ALDOB: variants seen among roughly 807,000 people sequenced by gnomAD.
The protein encoded by ALDOB is aldolase, fructose-bisphosphate B.
Under a neutral mutation model 41.0 loss-of-function variants are expected in ALDOB, and 39 were observed. The observed-to-expected ratio is 0.95, with a 90% CI of 0.74 to 1.24. The LOEUF (loss-of-function observed/expected upper bound fraction) is 1.24, where lower values mean the gene tolerates loss of function less well. Among genes scored for constraint, ALDOB ranks in the 50% most tolerant of loss-of-function variants. The pLI, the probability that ALDOB is intolerant of heterozygous loss-of-function variation, is 0.00. For missense variants in ALDOB, 530 were observed against 457.3 expected, an observed-to-expected ratio of 1.16 and a Z score of -1.45; for synonymous variants, 175 against 168.8, an observed-to-expected ratio of 1.04 and a Z score of -0.28.
intron 1 of ALDOB, among the ~76,000 whole-genome samples, chr9:101,431,761 C>T (rs1831223284): frequency 6.6e-6 from 1 of 152,258 alleles, no homozygotes; most frequent in Non-Finnish European, 1.5e-5. Context: ...GTGCTTTTTG[C>T]ATAGGTTGGG....
At chr9:101,424,514 G>A (rs1383617227) in intron 8 of ALDOB, among the ~76,000 whole-genome samples, 4 of 152,110 alleles carry the variant, frequency 2.6e-5, no homozygotes, top group Admixed American at 2.6e-4. Flanking sequence ...TATAATCGCT[G>A]CTTTTCTTGG....
chr9:101,426,427 C>T (rs904382973), intron 6 of ALDOB, 128 bp downstream of exon 6: 3 of 710,514 alleles, frequency 4.2e-6, no homozygotes, highest in South Asian at 3.1e-5. Flanking sequence ...GAGCACCTCC[C>T]TACCTTCTCT....
chr9:101,428,611 G>T, intron 3 of ALDOB, 88 bp from the exon 4 acceptor site: 2 of 1,150,416 alleles, frequency 1.7e-6, no homozygotes, highest in Non-Finnish European at 2.6e-6. Context: ...ATCTTTTACA[G>T]ATCAAGGAGT....
chr9:101,428,420 A>G (rs752152724), intron 4 of ALDOB, 49 bp downstream of exon 4: 23 of 1,555,788 alleles, frequency 1.5e-5, no homozygotes, highest in Non-Finnish European at 3.5e-6. Flanking sequence ...ACTTGCCTTC[A>G]TTTCTAGCTT....
chr9:101,423,801 C>A (rs1015213578), intron 8 of ALDOB, among the ~76,000 whole-genome samples: 2 of 152,154 alleles, frequency 1.3e-5, no homozygotes, highest in African/African-American at 4.8e-5. Context: ...TTTAAACATG[C>A]CAAGCTCTCT....
rs1386846765 is a variant in ALDOB at position 101,427,550 on chromosome 9, A to T, written c.472T>A (p.Cys158Ser). The T allele has an allele frequency of 5.6e-6, 9 of 1,614,174 alleles. No homozygotes were observed. The highest frequency in any genetic ancestry group is 7.6e-6 in the Non-Finnish European group (9 of 1,180,026). ...TCCTGGATAGCGAGGCTGGATGGAC[A>T]CTGGTCGGCAATCCTCAGCACAGCA... is the stretch of plus-strand genomic sequence containing the variant. ...WRAVLRIADQ[C>S]PSSLAIQENA... The change falls in exon 5 of 9, where the codon TGT becomes AGT. Residue 158 changes from cysteine to serine, a missense_variant. Cys to Ser is a moderately radical substitution (Grantham distance 112, BLOSUM62 -1). Transcript: ENST00000647789.
Position 101,424,941 on chromosome 9 carries a change from A to G in ALDOB, c.901T>C (p.Ser301Pro). 1 of 1,614,182 alleles carries G rather than the reference A, an allele frequency of 6.2e-7. No homozygotes were observed. The highest frequency in any genetic ancestry group is 8.5e-7 in the Non-Finnish European group (1 of 1,180,012). Residue 301 changes from serine (S) to proline (P), a missense_variant, in exon 8 of 9, where the codon TCT (serine) becomes CCT (proline). Ser to Pro is a moderately conservative substitution (Grantham distance 74). Coordinates refer to ENST00000647789, the MANE Select transcript of ALDOB (RefSeq NM_000035.4). ...CTGGCCTGCAGGGCCCGTCCATAAG[A>G]GAAACTTAGTTTCCAGGGCTTTGGT... ...PLPKPWKLSF[S>P]YGRALQASAL...
At chr9:101,435,083 T>C (rs1434742123) in intron 1 of ALDOB, among the ~76,000 whole-genome samples, 2 of 152,186 alleles carry the variant, frequency 1.3e-5, no homozygotes, top group African/African-American at 4.8e-5. Flanking sequence ...CAGCAGGAAA[T>C]GTTCTAGAAA....
intron 8 of ALDOB, among the ~76,000 whole-genome samples, chr9:101,424,012 A>G (rs1224927950): frequency 2.6e-5 from 4 of 152,116 alleles, no homozygotes; most frequent in Non-Finnish European, 5.9e-5. Flanking sequence ...TTTCCTCTTT[A>G]TTGAAACTGT....
In ALDOB at chr9:101,421,393, T is replaced by G. The variant is rs1588168755; in HGVS notation, c.*416A>C. On this transcript the variant is annotated 3_prime_UTR_variant, in exon 9 of 9. Coordinates refer to ENST00000647789, the MANE Select transcript of ALDOB (RefSeq NM_000035.4). ...ATAGCAGCTGAAGGTTTATAGAATA[T>G]TTATTTCTTTTTTGGTTGCAGCTAT... 1 of 302,556 alleles carries G rather than the reference T, an allele frequency of 3.3e-6. No homozygotes were observed. Among genetic ancestry groups the G allele is most frequent in the Non-Finnish European group, 6.5e-6 (1 of 154,248 alleles). 18.7% of individuals were successfully genotyped at this position (302,556 alleles called of 1,614,324 possible).
In ALDOB at chr9:101,430,699, A is replaced by G; in HGVS notation, c.112+77T>C. 5 of 1,098,518 alleles carry G rather than the reference A, an allele frequency of 4.6e-6. No homozygotes were observed. In the South Asian group the frequency reaches 5.2e-5, roughly 11 times the overall value. 68.0% of individuals were successfully genotyped at this position (1,098,518 alleles called of 1,614,324 possible). A position where few individuals can be genotyped will look rare whatever the true frequency, so the allele number is the denominator to read the frequency against. On this transcript the variant is annotated intron_variant, in intron 2 of 8. Transcript: ENST00000647789. ...ATAAACCTTTACTTCCATAAAGAATATGATTATCAAGTTGTTTTTGCTAAG... is the reference window on the plus strand; with the variant it reads ...ATAAACCTTTACTTCCATAAAGAATGTGATTATCAAGTTGTTTTTGCTAAG...
Position 101,425,005 on chromosome 9 carries a change from A to G in ALDOB, c.837T>C (p.Asp279=). ...CFLSGGMSEE[D]ATLNLNAINL... Reference sequence around the variant, plus strand: ...TGATAGCATTGAGGTTGAGAGTGGCATCCTCTTCACTCATGCCACCAGACA... The same window carrying G: ...TGATAGCATTGAGGTTGAGAGTGGCGTCCTCTTCACTCATGCCACCAGACA... Residue 279 remains aspartate (D), a synonymous_variant, in exon 8 of 9, where the codon GAT becomes GAC. Transcript: ENST00000647789. The G allele has an allele frequency of 6.2e-7, 1 of 1,614,204 alleles. No homozygotes were observed. The highest frequency in any genetic ancestry group is 1.1e-5 in the South Asian group (1 of 91,082).
At chr9:101,426,091 G>C (rs146373952) in intron 6 of ALDOB, among the ~76,000 whole-genome samples, 173 of 152,230 alleles carry the variant, frequency 1.1e-3, no homozygotes, top group African/African-American at 3.9e-3. Context: ...TTTCCAAGTA[G>C]AGAAACTAAG....
Position 101,421,647 on chromosome 9 carries a change from A to G in ALDOB, c.*162T>C, listed in dbSNP as rs1831048050. 1.4e-6 allele frequency: 1 copy of G among 719,234 alleles called. No homozygotes were observed. 44.6% of individuals were successfully genotyped at this position (719,234 alleles called of 1,614,324 possible). On this transcript the variant is annotated 3_prime_UTR_variant, in exon 9 of 9. Transcript: ENST00000647789. ...CCTTGGTATTCATTTTTATGTTTCA[A>G]TAACTGATTTATTTTTTCCCCCTTG... is the stretch of plus-strand genomic sequence containing the variant.
At chr9:101,435,303 TG>T (rs1211334620) in intron 1 of ALDOB, among the ~76,000 whole-genome samples, 1 of 152,162 alleles carries the variant, frequency 6.6e-6, no homozygotes, top group African/African-American at 2.4e-5. Flanking sequence ...GCAGTAGATA[TG>T]TAAATAAATC....
At chr9:101,425,693 C>T (rs977026708) in intron 6 of ALDOB, 66 bp from the exon 7 acceptor site, 148 of 1,528,552 alleles carry the variant, frequency 9.7e-5, no homozygotes, top group Non-Finnish European at 1.3e-4. Context: ...GACCTTGGCA[C>T]ATTTACACTG....
In ALDOB at chr9:101,426,588, A is replaced by T. The variant is rs1242518351; in HGVS notation, c.591T>A (p.His197Gln). ...VEPEVIPDGD[H>Q]DLEHCQYVTE... is the part of the protein sequence containing the mutation. ...TAACATACTGGCAGTGTTCCAGGTC[A>T]TGGTCTCCATCAGGAATTACCTCTG... is the stretch of plus-strand genomic sequence containing the variant. The change falls in exon 6 of 9, where the codon CAT becomes CAA. Residue 197 changes from histidine to glutamine, a missense_variant. By Grantham distance (24) the His-to-Gln change is conservative (BLOSUM62 0). Transcript: ENST00000647789. The T allele has an allele frequency of 6.2e-7, 1 of 1,613,148 alleles. No individual in the cohort carries two copies. Among genetic ancestry groups the T allele is most frequent in the East Asian group, 2.2e-5 (1 of 44,872 alleles).
At position 101,425,174 on chromosome 9, in the gene ALDOB, AG is replaced by A. The variant is rs1300845800; in HGVS notation, c.800-133del. 3 of 1,114,912 alleles carry A rather than the reference AG, an allele frequency of 2.7e-6. No homozygotes were observed. In the Admixed American group the frequency reaches 6.0e-5, roughly 22 times the overall value. The allele number at this position is 1,114,912 out of a possible 1,614,324, so 69.1% of individuals were successfully genotyped here. Reference sequence around the variant, plus strand: ...GCTTAATTTGCCTTAAAGCAAACTGAGAAATCAGTTTGCTTTTGCTGAAGCT... The same window carrying A: ...GCTTAATTTGCCTTAAAGCAAACTGAAAATCAGTTTGCTTTTGCTGAAGCT... On this transcript the variant is annotated intron_variant, in intron 7 of 8. Transcript: ENST00000647789.
intron 2 of ALDOB, 116 bp downstream of exon 2, chr9:101,430,660 C>A: frequency 1.2e-6 from 1 of 806,420 alleles, no homozygotes. Context: ...TCTTCTGCTC[C>A]CACTCCCGTG....
Sources: allele counts gnomAD v4.1 joint callset (sites outside exome capture counted in the v4.1 genomes callset), GRCh38; gene constraint gnomAD v4.1.1; transcripts MANE v1.5; gene names NCBI Gene and HGNC (gene_info 2026-07-23, HGNC 2026-07-21).